The following HS1BP3 variants were observed in gnomAD, a reference collection of about 807,000 sequenced individuals.
HS1BP3 encodes the protein HCLS1-binding protein 3.
A neutral mutation model predicts 33.5 loss-of-function variants in HS1BP3; 32 were observed. The ratio of observed to expected loss-of-function variants is 0.95; its 90% CI spans 0.72 to 1.28. The LOEUF (loss-of-function observed/expected upper bound fraction) is 1.28, where lower values mean the gene tolerates loss of function less well. HS1BP3 is among the 50% of genes most tolerant of loss of function. The pLI is 0.00. For missense variants in HS1BP3, 486 were observed against 502.3 expected (o/e 0.97, Z 0.31); for synonymous variants, 187 against 209.2 (o/e 0.89, Z 0.92).
At chr2:20,562,113 T>C (rs1693014866) in intron 5 of HS1BP3, among the ~76,000 whole-genome samples, 1 of 152,274 alleles carries the variant, frequency 6.6e-6, no homozygotes, top group East Asian at 1.9e-4. Context: ...CCATGCCCCT[T>C]TCCCCATGCC....
chr2:20,629,535 G>A (rs1021512045), intron 4 of HS1BP3, among the ~76,000 whole-genome samples: 1 of 152,258 alleles, frequency 6.6e-6, no homozygotes, highest in African/African-American at 2.4e-5. Flanking sequence ...AGAGAGGTCT[G>A]CAGGGAATAG....
At chr2:20,650,116 C>T (rs1695643629) in intron 1 of HS1BP3, among the ~76,000 whole-genome samples, 1 of 152,214 alleles carries the variant, frequency 6.6e-6, no homozygotes. Flanking sequence ...CCTCCGACAT[C>T]AGGGTTTACA....
chr2:20,633,345 C>T (rs1295509721), intron 4 of HS1BP3, among the ~76,000 whole-genome samples: 1 of 152,212 alleles, frequency 6.6e-6, no homozygotes, highest in African/African-American at 2.4e-5. Flanking sequence ...CTTGTCCCAA[C>T]CAGGGGAAAT....
At chr2:20,587,279 A>T (rs770940565) in intron 5 of HS1BP3, among the ~76,000 whole-genome samples, 1 of 152,240 alleles carries the variant, frequency 6.6e-6, no homozygotes, top group Non-Finnish European at 1.5e-5. Context: ...CGAAAGTGAA[A>T]AAAGGAGGCT....
chr2:20,554,913 G>A, the HS1BP3 span, among the ~76,000 whole-genome samples: 240 of 152,260 alleles, frequency 1.6e-3, 1 homozygote, highest in Admixed American at 3.9e-3. Flanking sequence ...GAGCTCTAAC[G>A]TTCTAGCTTG....
At chr2:20,570,056 T>C (rs1693228763) in intron 5 of HS1BP3, among the ~76,000 whole-genome samples, 1 of 152,176 alleles carries the variant, frequency 6.6e-6, no homozygotes, top group Admixed American at 6.5e-5. Flanking sequence ...GGGCTGCACC[T>C]GGCTCCCACC....
At chr2:20,640,649 T>A in intron 3 of HS1BP3, 1 of 528,076 alleles carries the variant, frequency 1.9e-6, no homozygotes, top group Non-Finnish European at 3.5e-6. Flanking sequence ...GTCAGGGGGT[T>A]GTATGTGGTG....
chr2:20,627,405 C>T (rs1017860723), intron 4 of HS1BP3, among the ~76,000 whole-genome samples: 2 of 152,210 alleles, frequency 1.3e-5, no homozygotes, highest in African/African-American at 4.8e-5. Flanking sequence ...AATCAGAGGG[C>T]GCAGAGAGGG....
intron 5 of HS1BP3, among the ~76,000 whole-genome samples, chr2:20,574,089 GA>G: frequency 6.6e-6 from 1 of 152,332 alleles, no homozygotes; most frequent in East Asian, 1.9e-4. Context: ...TCACAGCAGG[GA>G]AAACAATTGC....
intron 2 of HS1BP3, among the ~76,000 whole-genome samples, chr2:20,601,727 A>AACC (rs1034188011): frequency 9.4e-5 from 14 of 148,400 alleles, no homozygotes; most frequent in Admixed American, 6.1e-4. Context: ...GAGTCCATTA[A>AACC]ACCTCTTTCC....
chr2:20,645,147 C>T (rs1391625894), intron 2 of HS1BP3, among the ~76,000 whole-genome samples, 193 bp downstream of exon 2: 1 of 152,220 alleles, frequency 6.6e-6, no homozygotes, highest in Non-Finnish European at 1.5e-5. Context: ...AGGTCTGCCT[C>T]TCCACGGACT....
intron 4 of HS1BP3, among the ~76,000 whole-genome samples, chr2:20,631,598 G>C (rs1246928120): frequency 1.4e-5 from 2 of 147,676 alleles, no homozygotes; most frequent in Non-Finnish European, 3.0e-5. Flanking sequence ...CATTTGCTAT[G>C]GTCCCCAGAG....
intron 5 of HS1BP3, among the ~76,000 whole-genome samples, chr2:20,566,679 T>C (rs1412550400): frequency 6.6e-6 from 1 of 151,662 alleles, no homozygotes; most frequent in African/African-American, 2.4e-5. Context: ...CGATCTCAGC[T>C]CACTGCAAAC....
chr2:20,628,619 A>G (rs1441764000), intron 4 of HS1BP3, among the ~76,000 whole-genome samples: 1 of 147,512 alleles, frequency 6.8e-6, no homozygotes, highest in Non-Finnish European at 1.5e-5. Context: ...TGGGTGACAA[A>G]GTGAGACTTT....
intron 5 of HS1BP3, among the ~76,000 whole-genome samples, chr2:20,566,670 G>A (rs546341294): frequency 6.6e-5 from 10 of 151,332 alleles, no homozygotes; most frequent in African/African-American, 1.5e-4. Flanking sequence ...GCAATGGCGC[G>A]ATCTCAGCTC....
At chr2:20,615,457 G>A (rs529447392), downstream of HS1BP3, among the ~76,000 whole-genome samples, 4 of 152,326 alleles carry the variant, frequency 2.6e-5, no homozygotes, top group Admixed American at 6.5e-5. Flanking sequence ...GGTTTGGAGC[G>A]ATCAGAGTTT....
the HS1BP3 span, among the ~76,000 whole-genome samples, chr2:20,555,035 G>C: frequency 6.6e-6 from 1 of 152,024 alleles, no homozygotes; most frequent in Non-Finnish European, 1.5e-5. Flanking sequence ...TCCCTGCCTC[G>C]GCCTGAAACG....
chr2:20,607,309 CTA>C lies in HS1BP3; in HGVS notation c.179-9046_179-9045del, dbSNP rs1483519693. Among the ~76,000 whole-genome samples, 8 of 152,274 alleles carry C rather than the reference CTA, an allele frequency of 5.3e-5. No individual in the cohort carries two copies. The East Asian group carries it at 1.5e-3, about 29-fold the overall frequency. On this transcript the variant is annotated intron_variant, in intron 2 of 3. Transcript: ENST00000415264. Reference sequence around the variant, plus strand: ...TAGCTGGAGTTACAGACACCCATGACTATGCCCAGCTAATTTTTGTATTTTTA... The same window carrying C: ...TAGCTGGAGTTACAGACACCCATGACTGCCCAGCTAATTTTTGTATTTTTA...
In HS1BP3 at chr2:20,612,228, T is replaced by C. The variant is rs370461576; in HGVS notation, c.178+11668A>G. 1.2e-4 allele frequency among the ~76,000 whole-genome samples: 19 copies of C among 152,096 alleles called. No homozygotes were observed. The East Asian group carries it at 3.5e-3, about 28-fold the overall frequency. ...AGCCAGGAAGCCCAAAAGCCAGGAG[T>C]TGGCTCACATTTTTAATCTCTGCAC... On this transcript the variant is annotated intron_variant, in intron 2 of 3. Coordinates refer to the HS1BP3 transcript ENST00000415264.
Sources: allele counts gnomAD v4.1 joint callset (sites outside exome capture counted in the v4.1 genomes callset), GRCh38; gene constraint gnomAD v4.1.1; transcripts MANE v1.5; gene names NCBI Gene and HGNC (gene_info 2026-07-23, HGNC 2026-07-21).